The following LRRC4C variants were observed in gnomAD, a reference collection of about 807,000 sequenced individuals.
LRRC4C encodes the protein leucine-rich repeat-containing protein 4C.
LRRC4C carries 5 observed loss-of-function variants against 33.6 expected under a neutral mutation model. That is an observed-to-expected ratio of 0.15 (90% CI 0.08 to 0.31). LRRC4C has a LOEUF of 0.31. LRRC4C is among the 10% of genes least tolerant of loss of function. LRRC4C has a pLI of 1.00. For synonymous variants in LRRC4C, 329 were observed against 302.0 expected (o/e 1.09, Z -0.93); for missense variants, 560 against 796.7 (o/e 0.70, Z 3.58).
At chr11:40,736,024 T>C (rs1043549647) in intron 2 of LRRC4C, among the ~76,000 whole-genome samples, 26 of 152,148 alleles carry the variant, frequency 1.7e-4, no homozygotes, top group Non-Finnish European at 3.2e-4. Flanking sequence ...CTTGTAAATT[T>C]GTTTGAGTTC....
chr11:40,739,023 G>GTA (rs1209930196), intron 2 of LRRC4C, among the ~76,000 whole-genome samples: 2 of 55,550 alleles, frequency 3.6e-5, no homozygotes, highest in African/African-American at 1.1e-4. Context: ...GTGTGTGTGT[G>GTA]TGTGTATGTG....
chr11:41,151,493 G>A (rs759109890), intron 1 of LRRC4C, among the ~76,000 whole-genome samples: 6 of 152,176 alleles, frequency 3.9e-5, no homozygotes, highest in East Asian at 3.8e-4. Flanking sequence ...ACTAGAGTTC[G>A]TGTGCTGCAG....
intron 2 of LRRC4C, among the ~76,000 whole-genome samples, chr11:40,832,200 T>C (rs1289099608): frequency 1.3e-5 from 2 of 152,092 alleles, no homozygotes; most frequent in Non-Finnish European, 2.9e-5. Flanking sequence ...CAATGGTAAG[T>C]ATTGTTCATC....
At chr11:40,960,535 A>G (rs73484739) in intron 1 of LRRC4C, among the ~76,000 whole-genome samples, 27 of 151,836 alleles carry the variant, frequency 1.8e-4, no homozygotes, top group African/African-American at 5.5e-4. Context: ...ACATAGTGTG[A>G]CCTCTGCATA....
intron 3 of LRRC4C, among the ~76,000 whole-genome samples, chr11:40,369,051 C>T (rs964225982): frequency 1.3e-5 from 2 of 152,176 alleles, no homozygotes; most frequent in Non-Finnish European, 2.9e-5. Flanking sequence ...AAGGTAAGGA[C>T]AGCAGTGTTG....
intron 2 of LRRC4C, among the ~76,000 whole-genome samples, chr11:40,852,417 A>G (rs943362363): frequency 7.2e-5 from 11 of 152,080 alleles, no homozygotes; most frequent in African/African-American, 2.4e-4. Context: ...TAATTTTTCA[A>G]AAATAAAATT....
chr11:41,321,280 C>T (rs1950952311), intron 1 of LRRC4C, among the ~76,000 whole-genome samples: 2 of 151,890 alleles, frequency 1.3e-5, no homozygotes, highest in African/African-American at 4.8e-5. Flanking sequence ...TTTGGGGGGT[C>T]ATCTTAGAAT....
At chr11:41,064,522 AG>A (rs1449832449) in intron 1 of LRRC4C, among the ~76,000 whole-genome samples, 3 of 152,212 alleles carry the variant, frequency 2.0e-5, no homozygotes. Context: ...AGAGAAATAT[AG>A]TACTATAGAG....
chr11:41,344,839 T>C (rs930928068), intron 1 of LRRC4C, among the ~76,000 whole-genome samples: 6 of 152,192 alleles, frequency 3.9e-5, no homozygotes, highest in Admixed American at 2.0e-4. Flanking sequence ...ACACGTTCAA[T>C]TGAAAATTAA....
chr11:41,295,041 A>G (rs1172599866), intron 1 of LRRC4C, among the ~76,000 whole-genome samples: 1 of 152,208 alleles, frequency 6.6e-6, no homozygotes, highest in Admixed American at 6.5e-5. Flanking sequence ...AGCATGAGTC[A>G]TATGTATTCA....
At chr11:40,410,378 G>C (rs1483798389) in intron 3 of LRRC4C, among the ~76,000 whole-genome samples, 1 of 151,878 alleles carries the variant, frequency 6.6e-6, no homozygotes, top group Non-Finnish European at 1.5e-5. Flanking sequence ...AATCATCAAA[G>C]TTTAATATGT....
intron 3 of LRRC4C, among the ~76,000 whole-genome samples, chr11:40,410,352 TTC>T: frequency 6.6e-6 from 1 of 152,206 alleles, no homozygotes; most frequent in South Asian, 2.1e-4. Context: ...ATATTTTACT[TTC>T]TTTTTTTGCA....
At chr11:40,163,559 T>C (rs1327082247) in intron 5 of LRRC4C, among the ~76,000 whole-genome samples, 1 of 152,208 alleles carries the variant, frequency 6.6e-6, no homozygotes, top group East Asian at 1.9e-4. Flanking sequence ...TGTGTATATG[T>C]ATGAGTATGT....
chr11:41,439,553 A>G (rs1257276075), intron 1 of LRRC4C, among the ~76,000 whole-genome samples: 8 of 152,172 alleles, frequency 5.3e-5, no homozygotes, highest in South Asian at 2.1e-4. Flanking sequence ...TTTATTTTTT[A>G]ATAATAAGCA....
At chr11:40,332,559 C>T (rs535810042) in intron 3 of LRRC4C, among the ~76,000 whole-genome samples, 2 of 152,152 alleles carry the variant, frequency 1.3e-5, no homozygotes, top group East Asian at 1.9e-4. Flanking sequence ...CAACAAGCAA[C>T]GTTACATCTT....
At chr11:40,757,051 CT>C (rs1948988268) in intron 2 of LRRC4C, among the ~76,000 whole-genome samples, 1 of 152,030 alleles carries the variant, frequency 6.6e-6, no homozygotes, top group African/African-American at 2.4e-5. Flanking sequence ...CACTCTTGCT[CT>C]CATACTCTCT....
At chr11:40,190,012 T>C (rs1861706900) in intron 5 of LRRC4C, among the ~76,000 whole-genome samples, 1 of 152,144 alleles carries the variant, frequency 6.6e-6, no homozygotes, top group Non-Finnish European at 1.5e-5. Flanking sequence ...AGCAGACTAT[T>C]ATAAACAGAA....
At chr11:40,566,033 T>C (rs1301948627) in intron 3 of LRRC4C, among the ~76,000 whole-genome samples, 2 of 151,774 alleles carry the variant, frequency 1.3e-5, no homozygotes, top group Admixed American at 6.6e-5. Flanking sequence ...TAAAGCTATA[T>C]GTTCTGTATG....
At chr11:41,035,401 C>A (rs1190577372) in intron 1 of LRRC4C, among the ~76,000 whole-genome samples, 1 of 151,948 alleles carries the variant, frequency 6.6e-6, no homozygotes, top group Admixed American at 6.6e-5. Context: ...ACTCAACAGG[C>A]CCCAATGTGT....
Sources: gnomAD v4.1 joint callset for allele counts (sites outside exome capture counted in the v4.1 genomes callset) on GRCh38, gnomAD v4.1.1 for gene constraint, MANE v1.5 for transcripts, NCBI Gene and HGNC (gene_info 2026-07-23, HGNC 2026-07-21) for gene names.